GRIK2: variants seen among roughly 807,000 people sequenced by gnomAD.
GRIK2 encodes the protein glutamate ionotropic receptor kainate type subunit 2, also known as glutamate receptor ionotropic, kainate 2.
A neutral mutation model predicts 100.3 loss-of-function variants in GRIK2; 32 were observed. The ratio of observed to expected loss-of-function variants is 0.32; its 90% CI spans 0.24 to 0.43. The LOEUF is 0.43. Ranked by LOEUF, GRIK2 falls within the 20% of genes least tolerant of loss-of-function variation. The pLI is 1.00. For synonymous variants in GRIK2, 417 were observed against 389.4 expected, an observed-to-expected ratio of 1.07 and a Z score of -0.83; for missense variants, 843 against 1,114.9, an observed-to-expected ratio of 0.76 and a Z score of 3.47.
At chr6:101,797,193 T>A (rs1161873452) in intron 7 of GRIK2, among the ~76,000 whole-genome samples, 1 of 147,954 alleles carries the variant, frequency 6.8e-6, no homozygotes, top group East Asian at 1.9e-4. Context: ...CAATAACTGC[T>A]ATAGTTTTTG....
rs1303668727 is a variant in GRIK2 at position 101,818,607 on chromosome 6, G to A, written c.1317+124G>A. ...ATTTTACAGTTATTTAGCAATTACT[G>A]TACAACAGATGAGTCAATGTTAATT... is the stretch of plus-strand genomic sequence containing the variant. On this transcript the variant is annotated intron_variant, in intron 10 of 16. Transcript: ENST00000369134. 6.5e-6 allele frequency: 4 copies of A among 614,264 alleles called. No individual in the cohort carries two copies. The African/African-American group carries it at 7.4e-5, about 11-fold the overall frequency. The allele number at this position is 614,264 out of a possible 1,614,324, so 38.1% of individuals were successfully genotyped here.
intron 14 of GRIK2, among the ~76,000 whole-genome samples, chr6:101,963,136 T>C (rs1305977297): frequency 6.6e-6 from 1 of 151,586 alleles, no homozygotes; most frequent in East Asian, 1.9e-4. Context: ...CTTTACCAGT[T>C]TTGCATTAAG....
rs573385224 is a variant in GRIK2 at position 101,877,998 on chromosome 6, T to C, written c.1525-11642T>C. 1.2e-4 allele frequency among the ~76,000 whole-genome samples: 18 copies of C among 151,090 alleles called. No individual in the cohort carries two copies. The South Asian group carries it at 3.8e-3, about 32-fold the overall frequency. On this transcript the variant is annotated intron_variant, in intron 11 of 16. Transcript: ENST00000369134. ...CACTTCTCTCACTTAAAAAAGGGCA[T>C]TGATGAAAGCACACACTTCATAGTA...
chr6:101,598,206 T>G lies in GRIK2; in HGVS notation c.116-23743T>G, dbSNP rs558920693. On this transcript the variant is annotated intron_variant, in intron 2 of 16. Coordinates refer to ENST00000369134, the MANE Select transcript of GRIK2 (RefSeq NM_021956.5). Reference sequence around the variant, plus strand: ...TTGCTTGTATATAAACCTGGCTTGTTGCTGAGCTAGCTAGTCACTTCAATA... The same window carrying G: ...TTGCTTGTATATAAACCTGGCTTGTGGCTGAGCTAGCTAGTCACTTCAATA... 9.9e-5 allele frequency among the ~76,000 whole-genome samples: 15 copies of G among 151,842 alleles called. No individual in the cohort carries two copies. In the South Asian group the frequency reaches 3.1e-3, roughly 31 times the overall value.
chr6:101,451,701 G>GT (rs1464634557), intron 2 of GRIK2, among the ~76,000 whole-genome samples: 1 of 59,942 alleles, frequency 1.7e-5, no homozygotes, highest in African/African-American at 5.4e-5. Flanking sequence ...TCTGAGGGGG[G>GT]GGGGGGTGCC....
At chr6:101,556,321 ATTTTTTTTTTTTTTTT>A (rs10528480) in intron 2 of GRIK2, among the ~76,000 whole-genome samples, 10,773 of 59,956 alleles carry the variant, frequency 0.18, 1,031 homozygotes, top group South Asian at 0.47. Context: ...TATATTGGTA[ATTTTTTTTTTTTTTTT>A]TTTTTTTTTT....
At chr6:101,729,482 A>T (rs1021291101) in intron 7 of GRIK2, among the ~76,000 whole-genome samples, 1 of 152,010 alleles carries the variant, frequency 6.6e-6, no homozygotes, top group African/African-American at 2.4e-5. Flanking sequence ...ATGAAATTAT[A>T]GAATATATTG....
At chr6:101,471,320 C>G (rs571673356) in intron 2 of GRIK2, among the ~76,000 whole-genome samples, 1 of 152,000 alleles carries the variant, frequency 6.6e-6, no homozygotes, top group Admixed American at 6.6e-5. Flanking sequence ...TAAGAAAATG[C>G]TATTGGGTCA....
At chr6:101,571,781 T>C (rs936651906) in intron 2 of GRIK2, among the ~76,000 whole-genome samples, 10 of 152,064 alleles carry the variant, frequency 6.6e-5, no homozygotes, top group African/African-American at 2.4e-4. Context: ...CAATTGTAAA[T>C]GGTATTAAAA....
Position 101,662,971 on chromosome 6 carries a change from C to T in GRIK2, c.542-13652C>T, listed in dbSNP as rs1467574368. On this transcript the variant is annotated intron_variant, in intron 4 of 16. Transcript: ENST00000369134. ...TAACATGTATGTTCAATAAGCACAA[C>T]TACTAAAGACTTTGGGGTTGATGAT... 6.6e-5 allele frequency among the ~76,000 whole-genome samples: 10 copies of T among 152,124 alleles called. No individual in the cohort carries two copies. In the East Asian group the frequency reaches 1.9e-3, roughly 30 times the overall value.
intron 15 of GRIK2, among the ~76,000 whole-genome samples, chr6:102,049,366 C>G (rs1001684177): frequency 6.6e-6 from 1 of 151,960 alleles, no homozygotes; most frequent in Non-Finnish European, 1.5e-5. Flanking sequence ...CTAAGGTTAT[C>G]TTACTTTACA....
At chr6:101,519,825 CT>C (rs776741433) in intron 2 of GRIK2, among the ~76,000 whole-genome samples, 8 of 152,242 alleles carry the variant, frequency 5.3e-5, no homozygotes, top group Admixed American at 2.0e-4. Context: ...GTATCTGCAC[CT>C]TCACATTTGA....
intron 2 of GRIK2, among the ~76,000 whole-genome samples, chr6:101,589,385 A>G (rs1450719608): frequency 6.6e-6 from 1 of 152,086 alleles, no homozygotes; most frequent in Non-Finnish European, 1.5e-5. Context: ...TGCACAATAG[A>G]TCTCTTGAAC....
rs151181769 is a variant in GRIK2 at position 101,565,466 on chromosome 6, T to A, written c.116-56483T>A. ...TCTAAAGATAAAGTGCATTTTTATA[T>A]GTTCTTTGAATTATTCAGTTCACCT... is the stretch of plus-strand genomic sequence containing the variant. On this transcript the variant is annotated intron_variant, in intron 2 of 16. Transcript: ENST00000369134. Among the ~76,000 whole-genome samples the A allele has an allele frequency of 4.7e-4, 72 of 152,256 alleles. 1 individual carries two copies. Among genetic ancestry groups the A allele is most frequent in the African/African-American group, 1.7e-3 (71 of 41,554 alleles).
At chr6:101,555,625 A>G (rs1213295570) in intron 2 of GRIK2, among the ~76,000 whole-genome samples, 1 of 152,232 alleles carries the variant, frequency 6.6e-6, no homozygotes, top group Admixed American at 6.5e-5. Context: ...AAGAGAATTT[A>G]TAAAGCATAT....
intron 4 of GRIK2, among the ~76,000 whole-genome samples, chr6:101,666,865 T>G (rs115651167): frequency 1.6e-3 from 238 of 152,194 alleles, no homozygotes; most frequent in African/African-American, 5.5e-3. Context: ...GACACATATA[T>G]ACCATCCTGG....
intron 7 of GRIK2, among the ~76,000 whole-genome samples, chr6:101,696,023 G>C (rs988863672): frequency 1.3e-5 from 2 of 151,828 alleles, no homozygotes; most frequent in Non-Finnish European, 2.9e-5. Context: ...CGTTAAGTAG[G>C]GGATCAATTG....
At chr6:101,744,556 A>ACACACATATATATATATATACGTG (rs1562351826) in intron 7 of GRIK2, 10 of 113,594 alleles carry the variant, frequency 8.8e-5, no homozygotes, top group East Asian at 5.5e-4. Flanking sequence ...ATATATATAT[A>ACACACATATATATATATATACGTG]TATCACAATT....
rs150803043 is a variant in GRIK2, at chr6:101,626,405, G to A, written c.309G>A (p.Val103=). The change falls in exon 4 of 17, where the codon GTG becomes GTA. Residue 103 remains valine (V), a synonymous_variant. Transcript: ENST00000369134. ...CCTGTGATCAGCTGTCTCTTGGGGT[G>A]GCTGCCATCTTCGGGCCTTCACACA... is the stretch of plus-strand genomic sequence containing the variant. The part of the protein sequence containing the change: ...KKACDQLSLG[V]AAIFGPSHSS... 6.2e-7 allele frequency: 1 copy of A among 1,612,950 alleles called. No homozygotes were observed. The highest frequency in any genetic ancestry group is 8.5e-7 in the Non-Finnish European group (1 of 1,179,752).
Sources: allele counts gnomAD v4.1 joint callset (sites outside exome capture counted in the v4.1 genomes callset), GRCh38; gene constraint gnomAD v4.1.1; transcripts MANE v1.5; gene names NCBI Gene and HGNC (gene_info 2026-07-23, HGNC 2026-07-21).